IFT172: variants seen among roughly 807,000 people sequenced by gnomAD.
IFT172 encodes the protein intraflagellar transport protein 172 homolog.
A neutral mutation model predicts 248.9 loss-of-function variants in IFT172; 164 were observed. The ratio of observed to expected loss-of-function variants is 0.66; its 90% CI spans 0.58 to 0.75. The LOEUF (loss-of-function observed/expected upper bound fraction) is 0.75, where lower values mean the gene tolerates loss of function less well. Among genes scored for constraint, IFT172 ranks in the 30% least tolerant of loss-of-function variants. IFT172 has a pLI of 0.00. For synonymous variants in IFT172, 729 were observed against 791.6 expected (o/e 0.92, Z 1.33); for missense variants, 1,950 against 2,192.4 (o/e 0.89, Z 2.21).
At position 27,463,147 on chromosome 2, in the gene IFT172, G is replaced by A. The variant is rs1553329745; in HGVS notation, c.1972C>T (p.Arg658Ter). 2 of 1,613,972 alleles carry A rather than the reference G, an allele frequency of 1.2e-6. No individual in the cohort carries two copies. Among genetic ancestry groups the A allele is most frequent in the Non-Finnish European group, 1.7e-6 (2 of 1,180,044 alleles). Residue 658 changes from arginine (R) to a stop codon, truncating the protein, a stop_gained, in exon 19 of 48, where the codon CGA becomes TGA. Coordinates refer to ENST00000260570, the MANE Select transcript of IFT172 (RefSeq NM_015662.3). LOFTEE classifies it high-confidence loss of function. The stretch of plus-strand genomic sequence containing the variant: ...ATCTCATTGGTCTCATGCAGGAATC[G>A]AGCTTTTGCTACTTGGCCCAAAGCA... ...FSALGQVAKA[R>*]FLHETNEIAD...
chr2:27,463,070 A>C (rs2148510391), intron 19 of IFT172, 27 bp downstream of exon 19: 2 of 1,607,404 alleles, frequency 1.2e-6, no homozygotes, highest in South Asian at 2.2e-5. Flanking sequence ...GGAGACAGAC[A>C]GAATGAATCA....
chr2:27,479,908 G>A, intron 9 of IFT172, 118 bp downstream of exon 9: 1 of 1,355,004 alleles, frequency 7.4e-7, no homozygotes, highest in Non-Finnish European at 9.9e-7. Flanking sequence ...TTTTAGGTCA[G>A]GGTCAAAAGG....
chr2:27,451,531 A>G (rs898187483), intron 35 of IFT172, among the ~76,000 whole-genome samples: 1 of 152,196 alleles, frequency 6.6e-6, no homozygotes, highest in Non-Finnish European at 1.5e-5. Flanking sequence ...TGGGAGGCCA[A>G]GGCTTGTGGA....
chr2:27,463,036 T>C, intron 19 of IFT172, 61 bp downstream of exon 19: 1 of 1,568,120 alleles, frequency 6.4e-7, no homozygotes, highest in South Asian at 1.1e-5. Context: ...ATCATGGGGC[T>C]GAATACTAAG....
intron 40 of IFT172, among the ~76,000 whole-genome samples, chr2:27,448,615 A>G (rs1330516293): frequency 1.3e-5 from 2 of 152,186 alleles, no homozygotes. Context: ...TAAAGGCCCT[A>G]GAGGTGTATG....
In IFT172 at chr2:27,457,846, C is replaced by T. The variant is rs1394415431; in HGVS notation, c.3106G>A (p.Gly1036Ser). 2 of 1,614,052 alleles carry T rather than the reference C, an allele frequency of 1.2e-6. No individual in the cohort carries two copies. Among genetic ancestry groups the T allele is most frequent in the Non-Finnish European group, 1.7e-6 (2 of 1,180,014 alleles). Residue 1036 changes from glycine (G) to serine (S), a missense_variant, in exon 28 of 48, where the codon GGC becomes AGC. By Grantham distance (56) the Gly-to-Ser change is moderately conservative. Around this residue, in one of 3 missense-constraint regions of IFT172, gnomAD observed 164 missense variants for 239.3 expected, o/e 0.69. Transcript: ENST00000260570. ...GAGCCAGGAGAAGGGCTCACCTTGC[C>T]CAGATGTAGGTGTGTATCACTGAGG... Reference protein sequence around the residue: ...DLLSDTHLHLGKELEAEGRLQ... With the variant: ...DLLSDTHLHLSKELEAEGRLQ...
intron 15 of IFT172, chr2:27,471,322 A>G: frequency 2.5e-6 from 1 of 404,206 alleles, no homozygotes. Context: ...ATTTTAAGTT[A>G]GGTGAAGGTC....
chr2:27,454,084 A>T lies in IFT172; in HGVS notation c.3609T>A (p.Leu1203=). Residue 1203 remains leucine, a synonymous_variant, in exon 33 of 48, where the codon CTT becomes CTA. Transcript: ENST00000260570. The surrounding 1 kb of genome is among the most constrained non-coding windows in gnomAD (Gnocchi z 4.2). ...CCAAGGCCCCCCGGGCCTGTCCCACAAGCACCTCGGCGACACTGTCAGGGT... is the reference window on the plus strand; with the variant it reads ...CCAAGGCCCCCCGGGCCTGTCCCACTAGCACCTCGGCGACACTGTCAGGGT... ...AHDPDSVAEV[L]VGQARGALEE... is the part of the protein sequence containing the mutation. 4.3e-6 allele frequency: 7 copies of T among 1,613,914 alleles called. No individual in the cohort carries two copies. The highest frequency in any genetic ancestry group is 5.9e-6 in the Non-Finnish European group (7 of 1,179,970).
At chr2:27,472,925 G>C (rs1048359279) in intron 14 of IFT172, among the ~76,000 whole-genome samples, 2 of 152,132 alleles carry the variant, frequency 1.3e-5, no homozygotes, top group African/African-American at 4.8e-5. Flanking sequence ...GGGGTCTCTT[G>C]ATCAAAGCCT....
intron 20 of IFT172, 143 bp from the exon 21 acceptor site, chr2:27,461,979 A>T (rs1666713981): frequency 1.3e-6 from 1 of 771,276 alleles, no homozygotes; most frequent in South Asian, 1.7e-5. Flanking sequence ...ATACTGGGAA[A>T]CTAAAAGAAG....
In IFT172 at chr2:27,485,449, C is replaced by A; in HGVS notation, c.94G>T (p.Ala32Ser). 1 of 1,614,112 alleles carries A rather than the reference C, an allele frequency of 6.2e-7. No homozygotes were observed. The highest frequency in any genetic ancestry group is 2.2e-5 in the East Asian group (1 of 44,886). Residue 32 changes from alanine (A) to serine (S), a missense_variant, in exon 2 of 48, where the codon GCT becomes TCT. Around this residue, in one of 3 missense-constraint regions of IFT172, gnomAD observed 1,166 missense variants for 1,254.1 expected, o/e 0.93. Coordinates refer to ENST00000260570, the MANE Select transcript of IFT172 (RefSeq NM_015662.3). ...ACCACTCGGTCCACTGTGCAGACAGCAAATTTGGCATTGTTCTGGGACCAA... is the reference window on the plus strand; with the variant it reads ...ACCACTCGGTCCACTGTGCAGACAGAAAATTTGGCATTGTTCTGGGACCAA... ...MAWSQNNAKFAVCTVDRVVLL... is the reference protein window; with the variant it reads ...MAWSQNNAKFSVCTVDRVVLL...
At chr2:27,470,006 C>A (rs537081168) in intron 16 of IFT172, among the ~76,000 whole-genome samples, 1 of 152,052 alleles carries the variant, frequency 6.6e-6, no homozygotes, top group East Asian at 1.9e-4. Context: ...GTTAAACTTT[C>A]AAGGTAACCT....
At position 27,474,646 on chromosome 2, in the gene IFT172, G is replaced by A. The variant is rs547966421; in HGVS notation, c.1411+1995C>T. Reference sequence around the variant, plus strand: ...AGCTCACTGCAACCTCCACCTCCCCGGTTCAAGTGATTCTCCTGCCTCAGC... The same window carrying A: ...AGCTCACTGCAACCTCCACCTCCCCAGTTCAAGTGATTCTCCTGCCTCAGC... On this transcript the variant is annotated intron_variant, in intron 14 of 47. Coordinates refer to ENST00000260570, the MANE Select transcript of IFT172 (RefSeq NM_015662.3). 2.1e-3 allele frequency among the ~76,000 whole-genome samples: 323 copies of A among 152,144 alleles called. 1 individual carries two copies. The highest frequency in any genetic ancestry group is 3.1e-3 in the Non-Finnish European group (214 of 67,998).
intron 14 of IFT172, among the ~76,000 whole-genome samples, chr2:27,472,570 A>T (rs921417273): frequency 6.6e-6 from 1 of 152,206 alleles, no homozygotes; most frequent in Non-Finnish European, 1.5e-5. Flanking sequence ...CTCAGAGCAG[A>T]CTAGAACTAT....
intron 10 of IFT172, among the ~76,000 whole-genome samples, chr2:27,478,809 G>C (rs1274305995): frequency 6.6e-6 from 1 of 152,162 alleles, no homozygotes; most frequent in Non-Finnish European, 1.5e-5. Flanking sequence ...GTAGAAAAAA[G>C]AGAAAAGTGG....
chr2:27,473,938 G>C (rs993297368), intron 14 of IFT172, among the ~76,000 whole-genome samples: 3 of 151,886 alleles, frequency 2.0e-5, no homozygotes, highest in Non-Finnish European at 4.4e-5. Flanking sequence ...CTCCCGAGTA[G>C]CTGGGATTAT....
intron 35 of IFT172, among the ~76,000 whole-genome samples, chr2:27,450,949 C>CT (rs540664992): frequency 0.39 from 56,923 of 144,886 alleles, 11,517 homozygotes; most frequent in African/African-American, 0.49. Context: ...TTATTTTTAC[C>CT]TGTTTTTTTT....
At position 27,445,021 on chromosome 2, in the gene IFT172, G is replaced by T; in HGVS notation, c.5153C>A (p.Ala1718Asp). The T allele has an allele frequency of 6.2e-7, 1 of 1,613,874 alleles. No individual in the cohort carries two copies. The highest frequency in any genetic ancestry group is 8.5e-7 in the Non-Finnish European group (1 of 1,179,954). Residue 1718 changes from alanine (A) to aspartate (D), a missense_variant, in exon 47 of 48, where the codon GCC becomes GAC. Around this residue, in one of 3 missense-constraint regions of IFT172, gnomAD observed 620 missense variants for 699.0 expected, o/e 0.89. Coordinates refer to ENST00000260570, the MANE Select transcript of IFT172 (RefSeq NM_015662.3). This position sits in a 1 kb window ranked among gnomAD's most constrained non-coding sequence, Gnocchi z 4.4. ...CAAGTCCTCCTCTCTAACCTTGATG[G>T]CCATAAGGAATTTATTCCAGTTGTC... ...NKDNWNKFLM[A>D]IKTSHSPVCQ... is the part of the protein sequence containing the mutation.
At position 27,446,452 on chromosome 2, in the gene IFT172, AATT is replaced by A. The variant is rs1322819040; in HGVS notation, c.4660-100_4660-98del. 28 of 1,031,928 alleles carry A rather than the reference AATT, an allele frequency of 2.7e-5. No homozygotes were observed. In the African/African-American group the frequency reaches 3.5e-4, roughly 13 times the overall value. 63.9% of individuals were successfully genotyped at this position (1,031,928 alleles called of 1,614,324 possible). A position where few individuals can be genotyped will look rare whatever the true frequency, so the allele number is the denominator to read the frequency against. ...GGCAGCCACAGAACTAAAAAACAAC[AATT>A]ATTATTAAACTGCTCTGGATTCTCA... On this transcript the variant is annotated intron_variant, in intron 42 of 47. Coordinates refer to ENST00000260570, the MANE Select transcript of IFT172 (RefSeq NM_015662.3).
Sources: gnomAD v4.1 joint callset for allele counts (sites outside exome capture counted in the v4.1 genomes callset) on GRCh38, gnomAD v4.1.1 for gene constraint, gnomAD v4.1.1 regional missense constraint, Gnocchi (gnomAD v3.1) non-coding constraint, MANE v1.5 for transcripts, NCBI Gene and HGNC (gene_info 2026-07-23, HGNC 2026-07-21) for gene names.